The following NUAK2 variants were observed in gnomAD, a reference collection of about 807,000 sequenced individuals.
The protein encoded by NUAK2 is NUAK family kinase 2.
NUAK2 carries 20 observed loss-of-function variants against 29.8 expected under a neutral mutation model. The observed-to-expected ratio is 0.67, with a 90% CI of 0.47 to 0.98. The LOEUF is 0.98. Among genes scored for constraint, NUAK2 ranks in the 50% least tolerant of loss-of-function variants. The pLI, the probability that NUAK2 is intolerant of heterozygous loss-of-function variation, is 0.00. For synonymous variants in NUAK2, 331 were observed against 342.6 expected, an observed-to-expected ratio of 0.97 and a Z score of 0.37; for missense variants, 719 against 834.5, an observed-to-expected ratio of 0.86 and a Z score of 1.71.
At chr1:205,321,106 G>A (rs185056996) in intron 1 of NUAK2, among the ~76,000 whole-genome samples, 1 of 152,160 alleles carries the variant, frequency 6.6e-6, no homozygotes, top group Non-Finnish European at 1.5e-5. Flanking sequence ...CCCAGGACAC[G>A]ACACGATTCG....
At position 205,321,649 on chromosome 1, in the gene NUAK2, G is replaced by A. The variant is rs779304852; in HGVS notation, c.-21C>T. ...TCCATGGCGAGCAGGAGGTGAGCAA[G>A]GGCGGCAGGGGAATCAGTAGGCTGT... is the stretch of plus-strand genomic sequence containing the variant. On this transcript the variant is annotated 5_prime_UTR_variant, in exon 1 of 7. Transcript: ENST00000367157. 3.8e-6 allele frequency: 6 copies of A among 1,594,620 alleles called. No individual in the cohort carries two copies. In the South Asian group the frequency reaches 5.6e-5, roughly 15 times the overall value.
chr1:205,312,984 T>C (rs1439079637), intron 1 of NUAK2, among the ~76,000 whole-genome samples: 1 of 152,116 alleles, frequency 6.6e-6, no homozygotes, highest in Non-Finnish European at 1.5e-5. Context: ...TATTGTATGA[T>C]CCCACTTAAA....
chr1:205,306,141 C>A, intron 5 of NUAK2, 47 bp downstream of exon 5: 1 of 1,552,052 alleles, frequency 6.4e-7, no homozygotes, highest in Non-Finnish European at 8.7e-7. Flanking sequence ...GATCTAAAGT[C>A]ATAGTAAACA....
intron 1 of NUAK2, among the ~76,000 whole-genome samples, chr1:205,312,700 T>C (rs1662272914): frequency 6.6e-6 from 1 of 152,122 alleles, no homozygotes. Flanking sequence ...TATAGGCGCG[T>C]GCTGAGGTGG....
At chr1:205,306,872 G>A (rs1297645201) in intron 4 of NUAK2, among the ~76,000 whole-genome samples, 1 of 152,188 alleles carries the variant, frequency 6.6e-6, no homozygotes, top group African/African-American at 2.4e-5. Flanking sequence ...TCAGGAACAA[G>A]CAAGCCCTAT....
intron 1 of NUAK2, among the ~76,000 whole-genome samples, chr1:205,316,384 C>T (rs1440683036): frequency 6.6e-6 from 1 of 152,222 alleles, no homozygotes; most frequent in Non-Finnish European, 1.5e-5. Flanking sequence ...ATTAATTAAA[C>T]TCCATTCTAT....
At position 205,303,401 on chromosome 1, in the gene NUAK2, A is replaced by T; in HGVS notation, c.*49T>A. Reference sequence around the variant, plus strand: ...AGAAGGCATCTCCCCTCGGGGTGCAACCAGCTGCATCTGAGAGCCTGACCG... The same window carrying T: ...AGAAGGCATCTCCCCTCGGGGTGCATCCAGCTGCATCTGAGAGCCTGACCG... On this transcript the variant is annotated 3_prime_UTR_variant, in exon 7 of 7. Transcript: ENST00000367157. 6.8e-7 allele frequency: 1 copy of T among 1,478,888 alleles called. No individual in the cohort carries two copies. The highest frequency in any genetic ancestry group is 9.1e-7 in the Non-Finnish European group (1 of 1,103,882). 91.6% of individuals were successfully genotyped at this position (1,478,888 alleles called of 1,614,324 possible).
chr1:205,309,520 G>T (rs1181878335), intron 2 of NUAK2, among the ~76,000 whole-genome samples: 1 of 152,094 alleles, frequency 6.6e-6, no homozygotes, highest in Non-Finnish European at 1.5e-5. Flanking sequence ...TAGAGACGGG[G>T]TTTCACCATG....
At chr1:205,321,376 C>T (rs750037786) in intron 1 of NUAK2, 22 bp downstream of exon 1, 3 of 1,593,446 alleles carry the variant, frequency 1.9e-6, no homozygotes, top group Non-Finnish European at 1.7e-6. Flanking sequence ...CGCCCCGCGC[C>T]GCGAGAGGGA....
At chr1:205,316,571 C>A (rs1052859956) in intron 1 of NUAK2, among the ~76,000 whole-genome samples, 13 of 152,118 alleles carry the variant, frequency 8.5e-5, no homozygotes, top group Non-Finnish European at 8.8e-5. Flanking sequence ...GGAGGGGCAA[C>A]AAGGGCATTC....
chr1:205,316,394 T>C (rs1662329973), intron 1 of NUAK2, among the ~76,000 whole-genome samples: 1 of 152,140 alleles, frequency 6.6e-6, no homozygotes, highest in Admixed American at 6.5e-5. Context: ...CTCCATTCTA[T>C]TGTGATAAAT....
chr1:205,317,495 C>T (rs1558676437), intron 1 of NUAK2, among the ~76,000 whole-genome samples: 1 of 152,180 alleles, frequency 6.6e-6, no homozygotes, highest in Non-Finnish European at 1.5e-5. Flanking sequence ...CTCGCCATCC[C>T]ACCACACCAG....
At chr1:205,314,708 G>A (rs945433814) in intron 1 of NUAK2, among the ~76,000 whole-genome samples, 2 of 152,184 alleles carry the variant, frequency 1.3e-5, no homozygotes, top group African/African-American at 4.8e-5. Context: ...TCCATAAAGA[G>A]CAAAACGATC....
Position 205,304,632 on chromosome 1 carries a change from G to C in NUAK2, c.824-119C>G. On this transcript the variant is annotated intron_variant, in intron 6 of 6. Transcript: ENST00000367157. This position sits in a 1 kb window ranked among gnomAD's most constrained non-coding sequence, Gnocchi z 6.5. The stretch of plus-strand genomic sequence containing the variant: ...CACTGCATACTCCTGGGTCGGATGC[G>C]TCCCTTCCAACCTAGGGCTCTATAC... 2.3e-6 allele frequency: 2 copies of C among 884,844 alleles called. No homozygotes were observed. The highest frequency in any genetic ancestry group is 3.4e-6 in the Non-Finnish European group (2 of 592,128). 54.8% of individuals were successfully genotyped at this position (884,844 alleles called of 1,614,324 possible). A position where few individuals can be genotyped will look rare whatever the true frequency, so the allele number is the denominator to read the frequency against.
intron 5 of NUAK2, chr1:205,305,648 G>C (rs1332368622): frequency 2.9e-6 from 1 of 347,126 alleles, no homozygotes; most frequent in East Asian, 1.7e-4. Flanking sequence ...GAATGTGAGG[G>C]AGGCAAAGAA....
At position 205,304,239 on chromosome 1, in the gene NUAK2, AG is replaced by A; in HGVS notation, c.1097del (p.Pro366LeufsTer114). On this transcript the variant is annotated frameshift_variant, in exon 7 of 7. Coordinates refer to ENST00000367157, the MANE Select transcript of NUAK2 (RefSeq NM_030952.3). LOFTEE classifies it low-confidence loss of function (END_TRUNC). The surrounding 1 kb of genome is among the most constrained non-coding windows in gnomAD (Gnocchi z 6.5). Reference protein sequence around the residue: ...QHAPGGGSTTPGLERQHSLKK... With the variant: ...QHAPGGGSTTXGLERQHSLKK... ...TGAGCGAATGCTGGCGCTCCAGGCC[AG>A]GGGTGGTGCTTCCCCCACCAGGTGC... 6.2e-7 allele frequency: 1 copy of A among 1,614,158 alleles called. No individual in the cohort carries two copies. The highest frequency in any genetic ancestry group is 1.7e-5 in the Admixed American group (1 of 60,020).
chr1:205,313,880 A>C (rs540794344), intron 1 of NUAK2, among the ~76,000 whole-genome samples: 1 of 152,318 alleles, frequency 6.6e-6, no homozygotes, highest in Admixed American at 6.5e-5. Context: ...ACTTCCTCTT[A>C]TGGGGGTAGG....
chr1:205,305,571 A>G (rs1662169097), intron 5 of NUAK2: 1 of 940,140 alleles, frequency 1.1e-6, no homozygotes, highest in Non-Finnish European at 1.3e-6. Context: ...GGTGGTTGTG[A>G]CAGATATCAT....
At position 205,308,709 on chromosome 1, in the gene NUAK2, C is replaced by T. The variant is rs772550918; in HGVS notation, c.376G>A (p.Val126Met). 2.5e-6 allele frequency: 4 copies of T among 1,613,964 alleles called. No homozygotes were observed. Among genetic ancestry groups the T allele is most frequent in the South Asian group, 2.2e-5 (2 of 91,088 alleles). The change falls in exon 3 of 7, where the codon GTG becomes ATG. Residue 126 changes from valine (V) to methionine (M), a missense_variant. Transcript: ENST00000367157. This position sits in a 1 kb window ranked among gnomAD's most constrained non-coding sequence, Gnocchi z 4.1. ...HEVFENSSKI[V>M]IVMEYASRGD... ...CGGCTGGCATACTCCATGACGATCA[C>T]GATCTTGCTGCTGTTCTCAAACACT...
Sources: allele counts gnomAD v4.1 joint callset (sites outside exome capture counted in the v4.1 genomes callset), GRCh38; gene constraint gnomAD v4.1.1; non-coding constraint Gnocchi (gnomAD v3.1); transcripts MANE v1.5; gene names NCBI Gene and HGNC (gene_info 2026-07-23, HGNC 2026-07-21).